Variants in YTHDC2 observed in about 807,000 individuals in gnomAD.
The protein encoded by YTHDC2 is YTH N6-methyladenosine RNA binding protein C2.
Under a neutral mutation model 174.9 loss-of-function variants are expected in YTHDC2, and 45 were observed. The ratio of observed to expected loss-of-function variants is 0.26; its 90% CI spans 0.20 to 0.33. The LOEUF is 0.33. YTHDC2 is among the 10% of genes least tolerant of loss of function. YTHDC2 has a pLI of 1.00. For synonymous variants in YTHDC2, 657 were observed against 574.5 expected, an observed-to-expected ratio of 1.14 and a Z score of -2.05; for missense variants, 1,650 against 1,723.7, an observed-to-expected ratio of 0.96 and a Z score of 0.76.
At chr5:113,515,990 T>TTTC (rs1051437957) in intron 2 of YTHDC2, among the ~76,000 whole-genome samples, 21 of 152,194 alleles carry the variant, frequency 1.4e-4, no homozygotes, top group African/African-American at 4.8e-4. Context: ...AGGCGGAGTT[T>TTTC]TTCTTATGTC....
intron 17 of YTHDC2, among the ~76,000 whole-genome samples, chr5:113,559,687 G>A (rs1026051751): frequency 6.6e-6 from 1 of 152,196 alleles, no homozygotes; most frequent in Non-Finnish European, 1.5e-5. Context: ...TCCACTTGAT[G>A]GGTGCCAAAA....
intron 2 of YTHDC2, among the ~76,000 whole-genome samples, chr5:113,519,998 A>G (rs1773753502): frequency 6.6e-6 from 1 of 152,170 alleles, no homozygotes; most frequent in Non-Finnish European, 1.5e-5. Context: ...CTCATCAGCT[A>G]GGTTTTAAGC....
chr5:113,568,013 C>T (rs545372749), intron 23 of YTHDC2, among the ~76,000 whole-genome samples, 164 bp downstream of exon 23: 1 of 152,000 alleles, frequency 6.6e-6, no homozygotes, highest in South Asian at 2.1e-4. Flanking sequence ...AGGTATACTA[C>T]TGTTTTTGAA....
chr5:113,552,321 G>A (rs1280833093), intron 12 of YTHDC2, among the ~76,000 whole-genome samples: 1 of 151,954 alleles, frequency 6.6e-6, no homozygotes, highest in Non-Finnish European at 1.5e-5. Flanking sequence ...TACCCATTAG[G>A]TGTCTCTCCC....
At chr5:113,583,064 C>G (rs1407250292) in intron 25 of YTHDC2, 2 of 152,076 alleles carry the variant, frequency 1.3e-5, no homozygotes, top group African/African-American at 2.4e-5. Flanking sequence ...TATTCCTAAA[C>G]CAGCCTATGA....
chr5:113,516,996 A>G (rs1048426201), intron 2 of YTHDC2, among the ~76,000 whole-genome samples: 54 of 152,306 alleles, frequency 3.5e-4, no homozygotes, highest in African/African-American at 1.2e-3. Flanking sequence ...ACCTGAAAAT[A>G]AAAATATAGT....
Position 113,538,988 on chromosome 5 carries a change from A to G in YTHDC2, c.1103-86A>G, listed in dbSNP as rs566043767. The G allele has an allele frequency of 8.4e-5, 54 of 645,860 alleles. No individual in the cohort carries two copies. The African/African-American group carries it at 9.6e-4, about 11-fold the overall frequency. 40.0% of individuals were successfully genotyped at this position (645,860 alleles called of 1,614,324 possible). On this transcript the variant is annotated intron_variant, in intron 7 of 29. Transcript: ENST00000161863. The stretch of plus-strand genomic sequence containing the variant: ...GAAATTGCTTTTGGATATTATACTG[A>G]GATTCATTAACTTGGGATTTTCATG...
At chr5:113,552,274 A>G (rs1776297805) in intron 12 of YTHDC2, among the ~76,000 whole-genome samples, 1 of 152,046 alleles carries the variant, frequency 6.6e-6, no homozygotes, top group Admixed American at 6.6e-5. Context: ...ACCACAATCA[A>G]TTTTAGAACA....
chr5:113,578,775 TTTC>T (rs1427938772), intron 23 of YTHDC2, among the ~76,000 whole-genome samples: 1 of 152,132 alleles, frequency 6.6e-6, no homozygotes, highest in African/African-American at 2.4e-5. Context: ...GTATTCTGGA[TTTC>T]TTTGTTGATG....
At chr5:113,592,424 T>C in intron 28 of YTHDC2, 1 of 331,100 alleles carries the variant, frequency 3.0e-6, no homozygotes, top group Non-Finnish European at 5.4e-6. Context: ...TTATGTAAAG[T>C]AAATAACCTT....
chr5:113,587,693 A>G (rs1267909569), intron 26 of YTHDC2, among the ~76,000 whole-genome samples: 1 of 150,048 alleles, frequency 6.7e-6, no homozygotes, highest in Non-Finnish European at 1.5e-5. Flanking sequence ...CCTTCAATCA[A>G]TTGTCCTTCA....
chr5:113,526,085 T>A (rs1423582017), intron 3 of YTHDC2, among the ~76,000 whole-genome samples: 3 of 152,100 alleles, frequency 2.0e-5, no homozygotes, highest in Non-Finnish European at 1.5e-5. Context: ...ATCTTACATG[T>A]ATAGCATTAA....
At position 113,592,028 on chromosome 5, in the gene YTHDC2, G is replaced by C; in HGVS notation, c.4062G>C (p.Arg1354Ser). ...CTAGGATGTCTTCTGAGATTGGAAG[G>C]GAAAAGAGTCAGGACTGGGGCTCTG... Reference protein sequence around the residue: ...GFSRMSSEIGREKSQDWGSAG... With the variant: ...GFSRMSSEIGSEKSQDWGSAG... Residue 1354 changes from arginine (R) to serine (S), a missense_variant, in exon 28 of 30, where the codon AGG (arginine) becomes AGC (serine). Physicochemically the swap from Arg to Ser is moderately radical, Grantham distance 110 (BLOSUM62 -1). Transcript: ENST00000161863. 6.2e-7 allele frequency: 1 copy of C among 1,610,650 alleles called. No homozygotes were observed.
chr5:113,570,433 G>A (rs1777643204), intron 23 of YTHDC2, among the ~76,000 whole-genome samples: 1 of 151,990 alleles, frequency 6.6e-6, no homozygotes, highest in Non-Finnish European at 1.5e-5. Context: ...TGTTGCAATT[G>A]TGAATGTGAA....
chr5:113,560,377 C>A lies in YTHDC2; in HGVS notation c.2217-703C>A, dbSNP rs550999411. On this transcript the variant is annotated intron_variant, in intron 17 of 29. Transcript: ENST00000161863. ...AATTTTATTTTTTTCTCTTTTAATT[C>A]CATTTTTCCACAAACTTTTTGAAGT... is the stretch of plus-strand genomic sequence containing the variant. 3.9e-5 allele frequency among the ~76,000 whole-genome samples: 6 copies of A among 152,118 alleles called. No homozygotes were observed. The East Asian group carries it at 1.2e-3, about 29-fold the overall frequency.
At chr5:113,556,210 A>ATATAT in intron 17 of YTHDC2, 76 bp downstream of exon 17, 1 of 704,500 alleles carries the variant, frequency 1.4e-6, no homozygotes, top group African/African-American at 1.8e-5. Flanking sequence ...CACATTTATC[A>ATATAT]TATATTCCAT....
At chr5:113,524,586 A>G (rs572328570) in intron 2 of YTHDC2, among the ~76,000 whole-genome samples, 2 of 152,208 alleles carry the variant, frequency 1.3e-5, no homozygotes, top group Admixed American at 1.3e-4. Flanking sequence ...AGTCTGAACT[A>G]TAGACCATAA....
At chr5:113,570,968 C>G (rs1002606834) in intron 23 of YTHDC2, among the ~76,000 whole-genome samples, 2 of 152,098 alleles carry the variant, frequency 1.3e-5, no homozygotes, top group Non-Finnish European at 2.9e-5. Flanking sequence ...GAATACTCTT[C>G]ATTTTTTTCT....
intron 18 of YTHDC2, 75 bp downstream of exon 18, chr5:113,561,260 T>G: frequency 8.9e-7 from 1 of 1,118,204 alleles, no homozygotes; most frequent in East Asian, 2.6e-5. Flanking sequence ...TTCTATGGAT[T>G]AGGCCTTTAA....
Sources: gnomAD v4.1 joint callset for allele counts (sites outside exome capture counted in the v4.1 genomes callset) on GRCh38, gnomAD v4.1.1 for gene constraint, MANE v1.5 for transcripts, NCBI Gene and HGNC (gene_info 2026-07-23, HGNC 2026-07-21) for gene names.